The following DMD variants were observed in gnomAD, a reference collection of about 807,000 sequenced individuals.
The protein encoded by DMD is dystrophin, also known as mutant dystrophin.
A neutral mutation model predicts 330.1 loss-of-function variants in DMD; 63 were observed. That is an observed-to-expected ratio of 0.19 (90% CI 0.16 to 0.24). The LOEUF is 0.24. Ranked by LOEUF, DMD falls within the 10% of genes least tolerant of loss-of-function variation. The probability of loss-of-function intolerance (pLI) is 1.00; values close to 1 mark genes in which losing one functional copy is unlikely to be tolerated. For missense variants in DMD, 3,344 were observed against 2,684.1 expected (o/e 1.25, Z -5.43); for synonymous variants, 1,223 against 959.8 (o/e 1.27, Z -5.07).
intron 2 of DMD, among the ~76,000 whole-genome samples, chrX:33,013,728 G>T (rs1345002830): frequency 8.9e-6 from 1 of 112,516 alleles, no homozygotes; most frequent in Non-Finnish European, 1.9e-5. Flanking sequence ...CTGAAATAAT[G>T]TTTTGCCACT....
At chrX:33,322,646 G>A (rs751062717) in intron 1 of DMD, among the ~76,000 whole-genome samples, 1 of 111,260 alleles carries the variant, frequency 9.0e-6, no homozygotes, top group South Asian at 3.8e-4. Context: ...AATGATATTT[G>A]AACTGCAAAA....
intron 4 of DMD, among the ~76,000 whole-genome samples, chrX:32,834,267 G>C (rs2079412135): frequency 9.0e-6 from 1 of 111,177 alleles, no homozygotes; most frequent in African/African-American, 3.3e-5. Context: ...TTTTGTGTAA[G>C]AAATACTTGT....
intron 1 of DMD, among the ~76,000 whole-genome samples, chrX:33,270,617 C>T (rs1334128517): frequency 8.9e-6 from 1 of 111,944 alleles, no homozygotes; most frequent in East Asian, 2.8e-4. Flanking sequence ...TGAGAAGAAA[C>T]TAGACGGCAG....
intron 44 of DMD, among the ~76,000 whole-genome samples, chrX:31,998,748 A>C (rs1458379): frequency 0.082 from 9,176 of 111,854 alleles, 866 homozygotes; most frequent in African/African-American, 0.28. Flanking sequence ...AAAATAGATA[A>C]AATAGTTCCA....
chrX:31,618,644 T>G lies in DMD; in HGVS notation c.8217+9029A>C, dbSNP rs190126791. ...GTAGGACAGTAGAGTTGGTAGAAGATCAGAAAGTCAAACTTAGGTTCAAAT... is the reference window on the plus strand; with the variant it reads ...GTAGGACAGTAGAGTTGGTAGAAGAGCAGAAAGTCAAACTTAGGTTCAAAT... On this transcript the variant is annotated intron_variant, in intron 55 of 78. Transcript: ENST00000357033. Among the ~76,000 whole-genome samples, 6 of 111,922 alleles carry G rather than the reference T, an allele frequency of 5.4e-5. No individual in the cohort carries two copies. In the East Asian group the frequency reaches 1.7e-3, roughly 31 times the overall value.
intron 16 of DMD, among the ~76,000 whole-genome samples, chrX:32,545,567 C>T (rs754345420): frequency 1.2e-4 from 13 of 111,455 alleles, no homozygotes; most frequent in Non-Finnish European, 2.3e-4. Flanking sequence ...TTTAGCGCCC[C>T]TTCAATATAT....
At chrX:31,309,257 A>C (rs1188534215) in intron 62 of DMD, among the ~76,000 whole-genome samples, 1 of 112,255 alleles carries the variant, frequency 8.9e-6, no homozygotes. Flanking sequence ...AAAATATTTC[A>C]AGAGTTAAAC....
intron 47 of DMD, among the ~76,000 whole-genome samples, chrX:31,908,197 C>T (rs778639794): frequency 2.5e-3 from 277 of 111,855 alleles, no homozygotes; most frequent in South Asian, 0.016. Context: ...CCATTTGACC[C>T]GGCCATCCCA....
chrX:32,117,563 GT>G, intron 44 of DMD, among the ~76,000 whole-genome samples: 1 of 111,780 alleles, frequency 8.9e-6, no homozygotes. Context: ...CCATGCTCAT[GT>G]TTTTAACCCC....
intron 7 of DMD, among the ~76,000 whole-genome samples, chrX:32,699,677 G>T (rs1396151421): frequency 2.7e-5 from 3 of 111,397 alleles, no homozygotes; most frequent in Non-Finnish European, 5.7e-5. Context: ...ATGGTGCACT[G>T]GTAATTAAAC....
At chrX:32,662,897 T>A (rs189704017) in intron 9 of DMD, among the ~76,000 whole-genome samples, 2 of 112,042 alleles carry the variant, frequency 1.8e-5, no homozygotes, top group Non-Finnish European at 3.8e-5. Flanking sequence ...TTTCCTTGAG[T>A]GATTTTTCCC....
intron 1 of DMD, among the ~76,000 whole-genome samples, chrX:33,119,238 T>A (rs1436095623): frequency 1.8e-5 from 2 of 111,265 alleles, no homozygotes; most frequent in Admixed American, 9.6e-5. Flanking sequence ...TATATATGTT[T>A]TATATATATA....
chrX:31,528,493 CAG>C (rs761166748), intron 55 of DMD, among the ~76,000 whole-genome samples: 1 of 112,409 alleles, frequency 8.9e-6, no homozygotes, highest in African/African-American at 3.2e-5. Flanking sequence ...TAAGGAAAGA[CAG>C]TGTGTTTTCA....
intron 44 of DMD, among the ~76,000 whole-genome samples, chrX:32,056,630 CA>C (rs768442508): frequency 4.8e-4 from 53 of 110,186 alleles, no homozygotes; most frequent in Non-Finnish European, 8.0e-4. Context: ...ATCAGTAGTC[CA>C]AAACCTTCCA....
At chrX:32,995,657 G>A (rs373367831) in intron 2 of DMD, among the ~76,000 whole-genome samples, 6 of 112,114 alleles carry the variant, frequency 5.4e-5, no homozygotes, top group East Asian at 5.6e-4. Context: ...GTGAAATAAG[G>A]TCTATTCATA....
At chrX:33,182,720 T>C (rs1468899449) in intron 1 of DMD, among the ~76,000 whole-genome samples, 1 of 112,592 alleles carries the variant, frequency 8.9e-6, no homozygotes, top group Non-Finnish European at 1.9e-5. Flanking sequence ...CATAAAGATA[T>C]CAGTTCTACC....
At chrX:33,050,150 T>C (rs886432494) in intron 1 of DMD, among the ~76,000 whole-genome samples, 1 of 112,225 alleles carries the variant, frequency 8.9e-6, no homozygotes, top group African/African-American at 3.2e-5. Flanking sequence ...ATGTTTGTTA[T>C]GTTTGCATAA....
chrX:32,820,845 G>T (rs1374655329), intron 5 of DMD, among the ~76,000 whole-genome samples: 1 of 112,088 alleles, frequency 8.9e-6, no homozygotes, highest in Non-Finnish European at 1.9e-5. Context: ...AATAAAGGAG[G>T]AAGCATGGGT....
intron 1 of DMD, among the ~76,000 whole-genome samples, chrX:33,047,730 T>C (rs987478838): frequency 8.9e-6 from 1 of 112,134 alleles, no homozygotes; most frequent in Non-Finnish European, 1.9e-5. Flanking sequence ...GTTTAATCTT[T>C]TTTAAAAACT....
Sources: gnomAD v4.1 joint callset for allele counts (sites outside exome capture counted in the v4.1 genomes callset) on GRCh38, gnomAD v4.1.1 for gene constraint, MANE v1.5 for transcripts, NCBI Gene and HGNC (gene_info 2026-07-23, HGNC 2026-07-21) for gene names.